LOC400499: variants seen among roughly 807,000 people sequenced by gnomAD.
the LOC400499 span, among the ~76,000 whole-genome samples, chr16:11,497,898 T>C: frequency 6.6e-6 from 1 of 152,220 alleles, no homozygotes; most frequent in East Asian, 1.9e-4. Context: ...GAAGGCTTAC[T>C]TACACTTCAG....
chr16:11,508,980 G>C, the LOC400499 span: 2 of 397,478 alleles, frequency 5.0e-6, no homozygotes. Flanking sequence ...CAACAGGTAA[G>C]AGGGGTGTCT....
chr16:11,518,487 C>T, the LOC400499 span, among the ~76,000 whole-genome samples: 9 of 152,070 alleles, frequency 5.9e-5, no homozygotes, highest in East Asian at 9.7e-4. Context: ...TCCATGGGCC[C>T]GGCAGTCCCA....
chr16:11,499,023 C>G, the LOC400499 span, among the ~76,000 whole-genome samples: 3 of 116,352 alleles, frequency 2.6e-5, no homozygotes, highest in African/African-American at 6.8e-5. Context: ...GCACATGAAT[C>G]GAACATATGT....
the LOC400499 span, among the ~76,000 whole-genome samples, chr16:11,426,603 A>G: frequency 1.3e-5 from 2 of 152,062 alleles, no homozygotes; most frequent in East Asian, 3.9e-4. Flanking sequence ...TAGCTACTGC[A>G]ATAAGAAAAA....
At chr16:11,497,658 G>A in the LOC400499 span, among the ~76,000 whole-genome samples, 321 of 152,332 alleles carry the variant, frequency 2.1e-3, no homozygotes, top group African/African-American at 7.4e-3. Flanking sequence ...GCCCTGCCAG[G>A]ACAACTGGGC....
chr16:11,452,919 T>C, the LOC400499 span, among the ~76,000 whole-genome samples: 2 of 152,244 alleles, frequency 1.3e-5, no homozygotes, highest in Admixed American at 1.3e-4. Flanking sequence ...GTGAATTAAC[T>C]GGTCCGATGA....
chr16:11,511,662 T>C, the LOC400499 span, among the ~76,000 whole-genome samples: 1 of 152,140 alleles, frequency 6.6e-6, no homozygotes, highest in Admixed American at 6.6e-5. Context: ...AGTAGTTGAG[T>C]GGCTGCCAGG....
chr16:11,518,881 C>T, the LOC400499 span: 6 of 399,126 alleles, frequency 1.5e-5, no homozygotes, highest in African/African-American at 1.0e-4. Flanking sequence ...GGTCCCAGCC[C>T]CATGGCCAAG....
the LOC400499 span, among the ~76,000 whole-genome samples, chr16:11,419,884 C>T: frequency 1.3e-5 from 2 of 151,370 alleles, no homozygotes; most frequent in African/African-American, 2.4e-5. Context: ...CAAATCAAAA[C>T]CACAATGAGA....
At chr16:11,385,558 C>T in the LOC400499 span, 1 of 501,088 alleles carries the variant, frequency 2.0e-6, no homozygotes, top group Non-Finnish European at 3.1e-6. Flanking sequence ...TCCCCTGGCG[C>T]AGCAGCCAGA....
At chr16:11,454,295 G>A in the LOC400499 span, among the ~76,000 whole-genome samples, 1 of 152,222 alleles carries the variant, frequency 6.6e-6, no homozygotes, top group East Asian at 1.9e-4. Context: ...TGTATTCTGT[G>A]ATGGGTTAAC....
At chr16:11,459,646 T>A in the LOC400499 span, among the ~76,000 whole-genome samples, 1 of 152,188 alleles carries the variant, frequency 6.6e-6, no homozygotes, top group Admixed American at 6.5e-5. Context: ...CTTTCAAAAA[T>A]GCATTTTTAC....
chr16:11,426,977 A>T, the LOC400499 span, among the ~76,000 whole-genome samples: 2 of 149,176 alleles, frequency 1.3e-5, no homozygotes, highest in African/African-American at 5.1e-5. Context: ...TCTACAAATC[A>T]ATAAAAGACA....
At chr16:11,437,204 C>G in the LOC400499 span, among the ~76,000 whole-genome samples, 481 of 152,158 alleles carry the variant, frequency 3.2e-3, 2 homozygotes, top group Non-Finnish European at 5.7e-3. Context: ...TTTTTTAGGG[C>G]AGGGAAACTG....
the LOC400499 span, chr16:11,460,542 C>A: frequency 6.5e-7 from 1 of 1,535,538 alleles, no homozygotes; most frequent in Non-Finnish European, 8.7e-7. Flanking sequence ...CTGTAGGCAC[C>A]GTCTGAGCCA....
chr16:11,447,833 T>C, the LOC400499 span: 1 of 1,403,516 alleles, frequency 7.1e-7, no homozygotes, highest in East Asian at 2.7e-5. Context: ...CAGCAGAGAT[T>C]CTCCAGGTAG....
At chr16:11,504,682 G>T in the LOC400499 span, among the ~76,000 whole-genome samples, 3 of 152,096 alleles carry the variant, frequency 2.0e-5, no homozygotes, top group African/African-American at 7.2e-5. Context: ...CAGCACTTTG[G>T]GAGGTCGAGG....
At chr16:11,444,492 C>T in the LOC400499 span, among the ~76,000 whole-genome samples, 4 of 152,158 alleles carry the variant, frequency 2.6e-5, no homozygotes, top group African/African-American at 9.7e-5. Flanking sequence ...TGGGACACAG[C>T]CACGCCCGTT....
the LOC400499 span, chr16:11,383,591 G>A: frequency 3.2e-5 from 40 of 1,231,588 alleles, no homozygotes; most frequent in South Asian, 8.2e-5. Context: ...CCTCTGGCCT[G>A]GAAGGCAGAT....
Sources: gnomAD v4.1 joint callset for allele counts (sites outside exome capture counted in the v4.1 genomes callset) on GRCh38, gnomAD v4.1.1 for gene constraint, MANE v1.5 for transcripts.